The following EVI5 variants were observed in gnomAD, a reference collection of about 807,000 sequenced individuals.
EVI5 encodes ecotropic viral integration site 5 protein homolog.
In EVI5, 73 loss-of-function variants were observed where a neutral mutation model predicts 112.0. The ratio of observed to expected loss-of-function variants is 0.65; its 90% CI spans 0.54 to 0.79. The LOEUF is 0.79. Among genes scored for constraint, EVI5 ranks in the 30% least tolerant of loss-of-function variants. EVI5 has a pLI of 0.00. For missense variants in EVI5, 900 were observed against 968.8 expected (o/e 0.93, Z 0.94); for synonymous variants, 305 against 319.9 (o/e 0.95, Z 0.50).
chr1:92,619,419 G>T (rs1391738759), intron 16 of EVI5, among the ~76,000 whole-genome samples: 2 of 150,278 alleles, frequency 1.3e-5, no homozygotes, highest in East Asian at 2.0e-4. Context: ...TTGTGATCAT[G>T]TAAGTTAATA....
At chr1:92,780,780 G>A (rs1023818408) in intron 1 of EVI5, among the ~76,000 whole-genome samples, 4 of 151,962 alleles carry the variant, frequency 2.6e-5, no homozygotes, top group African/African-American at 4.8e-5. Flanking sequence ...GTCAAAGCAG[G>A]TGGAGATCAT....
chr1:92,635,628 G>C (rs527611865), intron 14 of EVI5, among the ~76,000 whole-genome samples: 1 of 151,904 alleles, frequency 6.6e-6, no homozygotes, highest in African/African-American at 2.4e-5. Flanking sequence ...TGCGCTTCGC[G>C]GCTCAGGCTC....
intron 11 of EVI5, 52 bp downstream of exon 11, chr1:92,665,887 G>T: frequency 7.7e-7 from 1 of 1,291,890 alleles, no homozygotes; most frequent in Non-Finnish European, 1.1e-6. Flanking sequence ...TAAATATACA[G>T]AAAAAACACC....
intron 10 of EVI5, 122 bp from the exon 11 acceptor site, chr1:92,666,114 C>T: frequency 1.6e-6 from 1 of 606,912 alleles, no homozygotes; most frequent in Non-Finnish European, 2.9e-6. Flanking sequence ...GGAATGATTA[C>T]ATTATCAAAT....
chr1:92,645,768 T>C (rs1463001052), intron 13 of EVI5, among the ~76,000 whole-genome samples: 2 of 152,164 alleles, frequency 1.3e-5, no homozygotes, highest in Non-Finnish European at 2.9e-5. Flanking sequence ...ATTAATCTAG[T>C]AAATGCTGAT....
At chr1:92,641,903 G>T (rs1660051866) in intron 13 of EVI5, among the ~76,000 whole-genome samples, 1 of 152,190 alleles carries the variant, frequency 6.6e-6, no homozygotes, top group Non-Finnish European at 1.5e-5. Context: ...ACTTTAGGAG[G>T]CTGAGGCGGG....
chr1:92,637,741 TC>T (rs1335595797), intron 13 of EVI5, among the ~76,000 whole-genome samples: 3 of 152,216 alleles, frequency 2.0e-5, no homozygotes, highest in Non-Finnish European at 4.4e-5. Flanking sequence ...TTATTTTTAC[TC>T]TTTAATATGT....
intron 17 of EVI5, 22 bp from the exon 18 acceptor site, chr1:92,605,424 A>C: frequency 6.8e-7 from 1 of 1,462,786 alleles, no homozygotes; most frequent in Non-Finnish European, 9.6e-7. Flanking sequence ...AACCAAACCG[A>C]AACAAAATAA....
chr1:92,649,215 C>G (rs1051638025), intron 13 of EVI5, among the ~76,000 whole-genome samples: 1 of 152,140 alleles, frequency 6.6e-6, no homozygotes, highest in Non-Finnish European at 1.5e-5. Flanking sequence ...CACTTTATAA[C>G]TGGGTTGTCT....
intron 18 of EVI5, among the ~76,000 whole-genome samples, chr1:92,566,864 T>G (rs980710295): frequency 6.9e-6 from 1 of 144,966 alleles, no homozygotes; most frequent in African/African-American, 2.5e-5. Flanking sequence ...TGGGGTGCAA[T>G]GGCACAATCT....
intron 1 of EVI5, among the ~76,000 whole-genome samples, chr1:92,754,766 T>C (rs924192562): frequency 2.6e-5 from 4 of 152,174 alleles, no homozygotes; most frequent in African/African-American, 9.7e-5. Context: ...TCTGATATTT[T>C]TGTAATATTC....
At chr1:92,717,396 T>A (rs1673913361) in intron 2 of EVI5, among the ~76,000 whole-genome samples, 2 of 152,128 alleles carry the variant, frequency 1.3e-5, no homozygotes, top group Admixed American at 1.3e-4. Flanking sequence ...TCTTCAACAT[T>A]CTTAAAGAAA....
Position 92,607,479 on chromosome 1 carries a change from T to C in EVI5, c.1974+102A>G, listed in dbSNP as rs1650673845. The C allele has an allele frequency of 3.6e-6, 3 of 838,388 alleles. No homozygotes were observed. The South Asian group carries it at 8.4e-5, about 24-fold the overall frequency. The allele number at this position is 838,388 out of a possible 1,614,324, so 51.9% of individuals were successfully genotyped here. On this transcript the variant is annotated intron_variant, in intron 17 of 19. Transcript: ENST00000684568. ...AGGAAAAGTAGAAAATAGGACGAGC[T>C]TTTTTGTTTTGTTTTTAAGATAATC...
chr1:92,726,152 A>G (rs1438153870), intron 2 of EVI5, among the ~76,000 whole-genome samples: 1 of 152,246 alleles, frequency 6.6e-6, no homozygotes, highest in Non-Finnish European at 1.5e-5. Flanking sequence ...TTATCTGAAG[A>G]AAACATTGGC....
At chr1:92,761,924 G>A (rs775902350) in intron 1 of EVI5, among the ~76,000 whole-genome samples, 14 of 148,460 alleles carry the variant, frequency 9.4e-5, no homozygotes, top group Non-Finnish European at 1.6e-4. Context: ...GCAATGTCTT[G>A]CATATTATAA....
At chr1:92,655,303 GA>G (rs982408807) in intron 13 of EVI5, among the ~76,000 whole-genome samples, 14 of 147,940 alleles carry the variant, frequency 9.5e-5, no homozygotes, top group East Asian at 4.0e-4. Flanking sequence ...TTACAAGCCA[GA>G]AAAAAAATCA....
At position 92,620,384 on chromosome 1, in the gene EVI5, G is replaced by C. The variant is rs1400198258; in HGVS notation, c.1827+3792C>G. ...AAAAGAAAGAAATAACAACCAAGAAGTTTCCAAAATTTGTGGCATACACAA... is the reference window on the plus strand; with the variant it reads ...AAAAGAAAGAAATAACAACCAAGAACTTTCCAAAATTTGTGGCATACACAA... On this transcript the variant is annotated intron_variant, in intron 16 of 19. Transcript: ENST00000684568. 3.5e-5 allele frequency among the ~76,000 whole-genome samples: 5 copies of C among 143,704 alleles called. No individual in the cohort carries two copies. In the East Asian group the frequency reaches 1.0e-3, roughly 29 times the overall value. The allele number at this position is 143,704 out of a possible 152,430, so 94.3% of individuals were successfully genotyped here.
chr1:92,649,023 ACCTCATTG>A (rs1661567909), intron 13 of EVI5, among the ~76,000 whole-genome samples: 1 of 152,094 alleles, frequency 6.6e-6, no homozygotes, highest in Non-Finnish European at 1.5e-5. Flanking sequence ...CAACTTTTCC[ACCTCATTG>A]CCAACATGTC....
At position 92,513,739 on chromosome 1, in the gene EVI5, C is replaced by T. The variant is rs761714329; in HGVS notation, c.2398G>A (p.Val800Met). Residue 800 changes from valine (V) to methionine (M), a missense_variant, in exon 20 of 20, where the codon GTG becomes ATG. Physicochemically the swap from Val to Met is conservative, Grantham distance 21. Transcript: ENST00000684568. ...DGSESETEDS[V>M]LETRESNQVV... Reference sequence around the variant, plus strand: ...TGGTTGCTCTCTCTGGTCTCCAGCACACTGTCTTCTGTTTCGCTCTCACTA... The same window carrying T: ...TGGTTGCTCTCTCTGGTCTCCAGCATACTGTCTTCTGTTTCGCTCTCACTA... The T allele has an allele frequency of 5.9e-5, 96 of 1,613,712 alleles. No homozygotes were observed. The South Asian group carries it at 1.0e-3, about 18-fold the overall frequency.
Sources: gnomAD v4.1 joint callset for allele counts (sites outside exome capture counted in the v4.1 genomes callset) on GRCh38, gnomAD v4.1.1 for gene constraint, MANE v1.5 for transcripts, NCBI Gene and HGNC (gene_info 2026-07-23, HGNC 2026-07-21) for gene names.